Variants in ADARB2 observed in about 807,000 individuals in gnomAD.
ADARB2 encodes adenosine deaminase RNA specific B2 (inactive), also known as inactive double-stranded RNA-specific editase B2.
ADARB2 carries 25 observed loss-of-function variants against 62.2 expected under a neutral mutation model. That is an observed-to-expected ratio of 0.40 (90% confidence interval 0.29 to 0.56). The LOEUF is 0.56. Among genes scored for constraint, ADARB2 ranks in the 20% least tolerant of loss-of-function variants. The pLI, the probability that ADARB2 is intolerant of heterozygous loss-of-function variation, is 0.43. For synonymous variants in ADARB2, 572 were observed against 500.8 expected (o/e 1.14, Z -1.90); for missense variants, 1,071 against 1,077.4 (o/e 0.99, Z 0.08).
chr10:1,559,597 C>G (rs749472614), intron 1 of ADARB2, among the ~76,000 whole-genome samples: 1 of 152,162 alleles, frequency 6.6e-6, no homozygotes, highest in African/African-American at 2.4e-5. Flanking sequence ...TGACACAAGA[C>G]GGTCAGGAGG....
chr10:1,668,363 T>C (rs553985545), intron 1 of ADARB2, among the ~76,000 whole-genome samples: 3 of 152,328 alleles, frequency 2.0e-5, no homozygotes, highest in African/African-American at 7.2e-5. Context: ...ACAGTCAAAA[T>C]ACACTTCTCA....
At chr10:1,641,867 G>T (rs7091636) in intron 1 of ADARB2, among the ~76,000 whole-genome samples, 74,590 of 151,556 alleles carry the variant, frequency 0.49, 20,517 homozygotes, top group East Asian at 0.69. Flanking sequence ...ACAAAAATTA[G>T]TCAGGTGTGG....
intron 1 of ADARB2, among the ~76,000 whole-genome samples, chr10:1,571,954 G>GGCAGGTGAGTGT (rs1361389189): frequency 6.9e-6 from 1 of 144,886 alleles, no homozygotes; most frequent in Non-Finnish European, 1.5e-5. Context: ...CAGGTGAGTA[G>GGCAGGTGAGTGT]GCAGGTGAGT....
At chr10:1,637,724 C>T (rs1003041518) in intron 1 of ADARB2, among the ~76,000 whole-genome samples, 9 of 152,112 alleles carry the variant, frequency 5.9e-5, no homozygotes, top group African/African-American at 1.7e-4. Flanking sequence ...CAGTTTCATA[C>T]GATGATGTAT....
Position 1,379,083 on chromosome 10 carries a change from C to T in ADARB2, c.178G>A (p.Asp60Asn), listed in dbSNP as rs908831986. ...AAGGGAAGTTGCTTACTGAGGGTGT[C>T]GTCATCCTCCGTGTTTGTGATGCCA... ...SPGITNTEDD[D>N]TLSTSSAEVK... is the part of the protein sequence containing the mutation. Residue 60 changes from aspartate (D) to asparagine (N), a missense_variant, in exon 2 of 10, where the codon GAC (aspartate) becomes AAC (asparagine). By Grantham distance (23) the Asp-to-Asn change is conservative. Transcript: ENST00000381312. The T allele has an allele frequency of 6.2e-6, 10 of 1,613,132 alleles. No individual in the cohort carries two copies. Among genetic ancestry groups the T allele is most frequent in the Admixed American group, 1.7e-5 (1 of 60,008 alleles).
chr10:1,691,940 C>G (rs533673817), intron 1 of ADARB2, among the ~76,000 whole-genome samples: 15 of 152,084 alleles, frequency 9.9e-5, no homozygotes, highest in Non-Finnish European at 1.5e-4. Context: ...CATGTATCTA[C>G]TACTGGATTA....
chr10:1,378,781 A>G (rs1334233351), intron 2 of ADARB2, among the ~76,000 whole-genome samples: 7 of 152,156 alleles, frequency 4.6e-5, no homozygotes, highest in African/African-American at 1.7e-4. Flanking sequence ...GACTCCAGGT[A>G]AGGATAGGAC....
At chr10:1,510,426 C>A (rs549859746) in intron 1 of ADARB2, among the ~76,000 whole-genome samples, 1 of 152,218 alleles carries the variant, frequency 6.6e-6, no homozygotes, top group East Asian at 1.9e-4. Flanking sequence ...AAGCAATCCT[C>A]CCTCCTCAGC....
chr10:1,621,694 T>C (rs1459468319), intron 1 of ADARB2, among the ~76,000 whole-genome samples: 16 of 152,198 alleles, frequency 1.1e-4, no homozygotes. Context: ...AAAACATTAC[T>C]GAAAGAAATC....
intron 3 of ADARB2, among the ~76,000 whole-genome samples, chr10:1,346,099 G>A (rs1325718842): frequency 6.6e-6 from 1 of 152,168 alleles, no homozygotes; most frequent in East Asian, 1.9e-4. Flanking sequence ...AGTAACTGTT[G>A]TTCTGTTCGC....
At chr10:1,239,676 G>T (rs1210460047) in intron 5 of ADARB2, among the ~76,000 whole-genome samples, 5 of 578 alleles carry the variant, frequency 8.7e-3, no homozygotes, top group Admixed American at 0.038. Context: ...ACTCCCCTCT[G>T]CCTCCCGGTG....
intron 1 of ADARB2, among the ~76,000 whole-genome samples, chr10:1,530,400 C>A (rs1471150267): frequency 6.6e-6 from 1 of 152,220 alleles, no homozygotes; most frequent in African/African-American, 2.4e-5. Flanking sequence ...AAACCCAGCA[C>A]CCGGGCCACA....
intron 1 of ADARB2, among the ~76,000 whole-genome samples, chr10:1,608,649 G>A (rs550295890): frequency 1.6e-4 from 24 of 147,670 alleles, no homozygotes; most frequent in Admixed American, 1.2e-3. Flanking sequence ...GGGAGGGAAG[G>A]AGGGAGGACG....
At chr10:1,631,420 G>A (rs576300197) in intron 1 of ADARB2, among the ~76,000 whole-genome samples, 9 of 152,296 alleles carry the variant, frequency 5.9e-5, no homozygotes, top group African/African-American at 1.2e-4. Context: ...GGGCAGGCTC[G>A]GGCTCAGGGC....
chr10:1,278,287 T>G (rs1589175399), intron 3 of ADARB2, among the ~76,000 whole-genome samples: 1 of 146,686 alleles, frequency 6.8e-6, no homozygotes, highest in South Asian at 2.1e-4. Context: ...GGTCCTTTTT[T>G]TCTTTTTTTT....
At chr10:1,267,152 A>AC (rs35415785) in intron 4 of ADARB2, among the ~76,000 whole-genome samples, 2 of 150,256 alleles carry the variant, frequency 1.3e-5, no homozygotes, top group East Asian at 3.9e-4. Context: ...AAAAAAAAAA[A>AC]CCTTTCCCCC....
chr10:1,264,614 T>A (rs544687320), intron 4 of ADARB2, among the ~76,000 whole-genome samples: 1 of 152,244 alleles, frequency 6.6e-6, no homozygotes. Context: ...GTGCTCATTT[T>A]AGGTTCAAAG....
intron 1 of ADARB2, among the ~76,000 whole-genome samples, chr10:1,689,129 A>G (rs1041283281): frequency 1.3e-5 from 2 of 152,170 alleles, no homozygotes; most frequent in Non-Finnish European, 2.9e-5. Context: ...CAAGAGAGGA[A>G]CTGGCTGCCA....
In ADARB2 at chr10:1,184,896, C is replaced by T. The variant is rs758258253; in HGVS notation, c.2008G>A (p.Val670Met). ...CGGPSRLCKH[V>M]LSARWARLYG... ...AGCCGCGCCCACCGTGCAGACAGCA[C>T]GTGCTTGCAGAGCCGGGATGGGCCC... The change falls in exon 9 of 10, where the codon GTG becomes ATG. Residue 670 changes from valine to methionine, a missense_variant. By Grantham distance (21) the Val-to-Met change is conservative. Transcript: ENST00000381312. 1.2e-5 allele frequency: 20 copies of T among 1,613,696 alleles called. No individual in the cohort carries two copies. Among genetic ancestry groups the T allele is most frequent in the Admixed American group, 1.7e-5 (1 of 60,000 alleles).
Sources: allele counts gnomAD v4.1 joint callset (sites outside exome capture counted in the v4.1 genomes callset), GRCh38; gene constraint gnomAD v4.1.1; transcripts MANE v1.5; gene names NCBI Gene and HGNC (gene_info 2026-07-23, HGNC 2026-07-21).